Variants in MROH1 observed in about 807,000 individuals in gnomAD.
MROH1 encodes the protein maestro heat like repeat family member 1, also known as maestro heat-like repeat-containing protein family member 1.
Under a neutral mutation model 116.5 loss-of-function variants are expected in MROH1, and 117 were observed. The observed-to-expected ratio is 1.00, with a 90% CI of 0.86 to 1.17. The LOEUF is 1.17. Ranked by LOEUF, MROH1 falls within the 50% of genes most tolerant of loss-of-function variation. The probability of loss-of-function intolerance (pLI) is 0.00; values close to 1 mark genes in which losing one functional copy is unlikely to be tolerated. For synonymous variants in MROH1, 921 were observed against 583.9 expected (o/e 1.58, Z -8.32); for missense variants, 1,873 against 1,338.5 (o/e 1.40, Z -6.23).
rs961758864 is a variant in MROH1 at position 144,237,916 on chromosome 8, A to G, written c.1339-840A>G. On this transcript the variant is annotated intron_variant, in intron 14 of 43. Transcript: ENST00000326134. ...CGTTATCAGGTATTTTGCAGTTTCT[A>G]TTTGGTTTCTTTATTAACGCAAATG... Among the ~76,000 whole-genome samples the G allele has an allele frequency of 3.3e-5, 5 of 152,100 alleles. No individual in the cohort carries two copies. In the South Asian group the frequency reaches 8.3e-4, roughly 25 times the overall value.
At chr8:144,231,572 C>T (rs1366194069) in intron 14 of MROH1, among the ~76,000 whole-genome samples, 2 of 152,146 alleles carry the variant, frequency 1.3e-5, no homozygotes, top group African/African-American at 4.8e-5. Context: ...TCAGGACACC[C>T]AACATTCGTT....
At chr8:144,217,914 C>T (rs1588258802) in intron 12 of MROH1, among the ~76,000 whole-genome samples, 2 of 151,874 alleles carry the variant, frequency 1.3e-5, no homozygotes, top group East Asian at 1.9e-4. Context: ...GTTAGAGGCC[C>T]GGGATCCCTC....
At chr8:144,175,662 G>A (rs1344201950) in intron 4 of MROH1, 4 of 558,808 alleles carry the variant, frequency 7.2e-6, no homozygotes, top group Non-Finnish European at 9.1e-6. Context: ...CAGGGCACAC[G>A]CCTGTAATCC....
In MROH1 at chr8:144,220,622, G is replaced by A. The variant is rs1179911511; in HGVS notation, c.1164G>A (p.Lys388=). Reference sequence around the variant, plus strand: ...CAGCTGCTCAGATGGAAGATAAAAAGCCCTTTATCCTGTCTTCCATGAGGC... The same window carrying A: ...CAGCTGCTCAGATGGAAGATAAAAAACCCTTTATCCTGTCTTCCATGAGGC... ...NSAAAQMEDK[K]PFILSSMRLP... is the part of the protein sequence containing the mutation. The change falls in exon 13 of 44, where the codon AAG becomes AAA. Residue 388 remains lysine (K), a synonymous_variant. Coordinates refer to ENST00000326134, the MANE Select transcript of MROH1 (RefSeq NM_032450.3). 1 of 1,578,888 alleles carries A rather than the reference G, an allele frequency of 6.3e-7. No homozygotes were observed. The highest frequency in any genetic ancestry group is 2.3e-5 in the East Asian group (1 of 43,308).
intron 12 of MROH1, 176 bp downstream of exon 12, chr8:144,200,717 T>C (rs1025691427): frequency 1.7e-6 from 1 of 599,458 alleles, no homozygotes; most frequent in Non-Finnish European, 3.0e-6. Flanking sequence ...GCAAGGGTGG[T>C]ACCTTTCTAC....
Position 144,261,748 on chromosome 8 carries a change from G to A in MROH1, c.*8G>A. 1 of 708,620 alleles carries A rather than the reference G, an allele frequency of 1.4e-6. No individual in the cohort carries two copies. The allele number at this position is 708,620 out of a possible 1,614,324, so 43.9% of individuals were successfully genotyped here. On this transcript the variant is annotated 3_prime_UTR_variant, in exon 44 of 44. Transcript: ENST00000326134. ...CTGGTGAAGCTCGCCTAAGGCTCCG[G>A]CCAGCACCCCCAGCGAGGAGTATGC...
intron 35 of MROH1, among the ~76,000 whole-genome samples, chr8:144,258,000 G>T (rs1844227947): frequency 6.6e-6 from 1 of 152,206 alleles, no homozygotes; most frequent in Non-Finnish European, 1.5e-5. Flanking sequence ...TGCCTGTTGG[G>T]TCACACACTA....
Position 144,239,696 on chromosome 8 carries a change from A to G in MROH1, c.1715A>G (p.His572Arg). 1 of 737,958 alleles carries G rather than the reference A, an allele frequency of 1.4e-6. No individual in the cohort carries two copies. Among genetic ancestry groups the G allele is most frequent in the Non-Finnish European group, 2.5e-6 (1 of 396,886 alleles). The allele number at this position is 737,958 out of a possible 1,614,324, so 45.7% of individuals were successfully genotyped here. ...CTCAGTGTTCTGCACCCAAACATTC[A>G]CCCTTTGCTGGGTCAGCATTGGGAA... ...RLLSVLHPNI[H>R]PLLGQHWETT... Residue 572 changes from histidine to arginine, a missense_variant, in exon 18 of 44, where the codon CAC becomes CGC. By Grantham distance (29) the His-to-Arg change is conservative (BLOSUM62 0). Coordinates refer to ENST00000326134, the MANE Select transcript of MROH1 (RefSeq NM_032450.3).
intron 14 of MROH1, among the ~76,000 whole-genome samples, chr8:144,233,999 TC>T (rs1554823717): frequency 6.6e-6 from 1 of 152,170 alleles, no homozygotes. Context: ...GGGGAGTAGT[TC>T]CATCTTTTTA....
intron 12 of MROH1, among the ~76,000 whole-genome samples, chr8:144,209,027 TTGTGTGTGTGTGTGTGTGTGTGTG>T (rs71320812): frequency 7.1e-5 from 10 of 141,744 alleles, no homozygotes; most frequent in African/African-American, 2.2e-4. Context: ...CTCGGCCATT[TTGTGTGTGTGTGTGTGTGTGTGTG>T]TGTGTGTGTG....
At position 144,168,363 on chromosome 8, in the gene MROH1, G is replaced by GC; in HGVS notation, c.94dup (p.Leu32ProfsTer24). The stretch of plus-strand genomic sequence containing the variant: ...CCTGGTGCAGGAGCAGGTCTGCAGT[G>GC]CCCTGTGCTCCCTCGGGGAGGCGCG... On this transcript the variant is annotated frameshift_variant, in exon 4 of 44. Coordinates refer to ENST00000326134, the MANE Select transcript of MROH1 (RefSeq NM_032450.3). LOFTEE classifies it high-confidence loss of function. The GC allele has an allele frequency of 6.2e-7, 1 of 1,611,208 alleles. No homozygotes were observed. Among genetic ancestry groups the GC allele is most frequent in the Non-Finnish European group, 8.5e-7 (1 of 1,179,718 alleles).
chr8:144,169,560 T>TC (rs1332976882), intron 4 of MROH1, among the ~76,000 whole-genome samples: 2 of 151,322 alleles, frequency 1.3e-5, no homozygotes, highest in African/African-American at 4.8e-5. Flanking sequence ...CAAGCGATTC[T>TC]CCTGTCTCAG....
At position 144,243,934 on chromosome 8, in the gene MROH1, T is replaced by G; in HGVS notation, c.2547T>G (p.Thr849=). The G allele has an allele frequency of 1.3e-6, 1 of 780,362 alleles. No homozygotes were observed. The highest frequency in any genetic ancestry group is 2.4e-6 in the Non-Finnish European group (1 of 417,678). 48.3% of individuals were successfully genotyped at this position (780,362 alleles called of 1,614,324 possible). Residue 849 remains threonine, a synonymous_variant, in exon 26 of 44, where the codon ACT becomes ACG. Coordinates refer to ENST00000326134, the MANE Select transcript of MROH1 (RefSeq NM_032450.3). ...GGAAGAAAGCCATGCTCACCTGCAC[T>G]TACTTGGTGTATCCTTTCCTGCCTC... The part of the protein sequence containing the change: ...PIRKKAMLTC[T]YLVSVEPALD...
chr8:144,238,459 G>A (rs1309505427), intron 14 of MROH1, among the ~76,000 whole-genome samples: 3 of 152,202 alleles, frequency 2.0e-5, no homozygotes, highest in East Asian at 1.9e-4. Flanking sequence ...TCCCACAGAG[G>A]CTATCCTGTT....
At chr8:144,148,521 C>G (rs1224211256) in intron 1 of MROH1, 1 of 152,444 alleles carries the variant, frequency 6.6e-6, no homozygotes, top group African/African-American at 2.4e-5. Flanking sequence ...ACCGGGGGTC[C>G]TCTCTCCGGG....
Position 144,162,590 on chromosome 8 carries a change from T to A in MROH1, c.-56-1181T>A, listed in dbSNP as rs58216614. Among the ~76,000 whole-genome samples, 85 of 151,662 alleles carry A rather than the reference T, an allele frequency of 5.6e-4. 1 individual carries two copies. Among genetic ancestry groups the A allele is most frequent in the East Asian group, 2.1e-3 (11 of 5,154 alleles). ...TTTTGTATTTTTAGTAGAGATGGTG[T>A]GTCACCATGTTGGCCAGGCTGGTCT... On this transcript the variant is annotated intron_variant, in intron 2 of 43. Coordinates refer to ENST00000326134, the MANE Select transcript of MROH1 (RefSeq NM_032450.3).
intron 19 of MROH1, 68 bp downstream of exon 19, chr8:144,240,221 CA>C: frequency 1.4e-6 from 1 of 692,000 alleles, no homozygotes; most frequent in Non-Finnish European, 2.7e-6. Context: ...GCTGGGGTGG[CA>C]GAGGCTGGGC....
At chr8:144,231,684 T>C (rs1554822943) in intron 14 of MROH1, among the ~76,000 whole-genome samples, 1 of 152,138 alleles carries the variant, frequency 6.6e-6, no homozygotes, top group Non-Finnish European at 1.5e-5. Flanking sequence ...AGATATAATA[T>C]TAATGAAACA....
At chr8:144,256,272 C>T (rs953436496) in intron 35 of MROH1, among the ~76,000 whole-genome samples, 327 of 152,258 alleles carry the variant, frequency 2.1e-3, no homozygotes, top group African/African-American at 7.3e-3. Flanking sequence ...ACCACGAGCC[C>T]ATGTGAACGC....
Sources: gnomAD v4.1 joint callset for allele counts (sites outside exome capture counted in the v4.1 genomes callset) on GRCh38, gnomAD v4.1.1 for gene constraint, MANE v1.5 for transcripts, NCBI Gene and HGNC (gene_info 2026-07-23, HGNC 2026-07-21) for gene names.